Variants in PARP16 observed in about 807,000 individuals in gnomAD.
The protein encoded by PARP16 is poly(ADP-ribose) polymerase family member 16.
PARP16 carries 31 observed loss-of-function variants against 35.0 expected under a neutral mutation model. The ratio of observed to expected loss-of-function variants is 0.88; its 90% confidence interval spans 0.66 to 1.19. PARP16 has a LOEUF of 1.19. Ranked by LOEUF, PARP16 falls within the 50% of genes most tolerant of loss-of-function variation. The pLI is 0.00. For synonymous variants in PARP16, 162 were observed against 169.5 expected, an observed-to-expected ratio of 0.96 and a Z score of 0.34; for missense variants, 424 against 411.2, an observed-to-expected ratio of 1.03 and a Z score of -0.27.
chr15:65,260,763 G>T, intron 5 of PARP16, 122 bp downstream of exon 5: 1 of 824,050 alleles, frequency 1.2e-6, no homozygotes, highest in Non-Finnish European at 2.0e-6. Flanking sequence ...TGTCCAGCAT[G>T]GTGCTTTACA....
At chr15:65,240,322 T>TTGTG (rs1567008535) in intron 3 of PARP16, among the ~76,000 whole-genome samples, 4 of 45,986 alleles carry the variant, frequency 8.7e-5, no homozygotes, top group Non-Finnish European at 1.7e-4. Flanking sequence ...TGGGGGGGGC[T>TTGTG]AGTGTGTGTG....
intron 3 of PARP16, among the ~76,000 whole-genome samples, chr15:65,236,992 A>T (rs1031917003): frequency 9.2e-5 from 14 of 151,924 alleles, no homozygotes; most frequent in Non-Finnish European, 1.5e-4. Context: ...AAAAAGAAAA[A>T]AAAAAGAAAA....
chr15:65,239,156 G>A (rs1030126037), intron 3 of PARP16, among the ~76,000 whole-genome samples: 1 of 151,890 alleles, frequency 6.6e-6, no homozygotes, highest in African/African-American at 2.4e-5. Flanking sequence ...GGCTGGGTGC[G>A]GTGGCTCATG....
chr15:65,286,504 G>T lies in PARP16; in HGVS notation c.-78C>A. 1 of 1,179,500 alleles carries T rather than the reference G, an allele frequency of 8.5e-7. No individual in the cohort carries two copies. Among genetic ancestry groups the T allele is most frequent in the South Asian group, 1.8e-5 (1 of 56,480 alleles). The allele number at this position is 1,179,500 out of a possible 1,614,324, so 73.1% of individuals were successfully genotyped here. ...AGCGTGCGTTCAGCGCGGGGGCTGG[G>T]CCCGCGGACAATGGGCCGTCAGGGG... is the stretch of plus-strand genomic sequence containing the variant. On this transcript the variant is annotated 5_prime_UTR_variant, in exon 1 of 6. Coordinates refer to ENST00000649807, the MANE Select transcript of PARP16 (RefSeq NM_001316943.2).
rs766341860 is a variant in PARP16 at position 65,266,697 on chromosome 15, A to T, written c.384T>A (p.Ile128=). ...TGGCGTTGGCTGGGTCAAAGTACTC[A>T]ATTTCAAACAGGAAGTCCGGTGCAG... is the stretch of plus-strand genomic sequence containing the variant. ...PVPAPDFLFE[I]EYFDPANAKF... Residue 128 remains isoleucine, a synonymous_variant, in exon 3 of 6, where the codon ATT becomes ATA. Coordinates refer to ENST00000649807, the MANE Select transcript of PARP16 (RefSeq NM_001316943.2). The T allele has an allele frequency of 6.2e-7, 1 of 1,614,152 alleles. No homozygotes were observed. Among genetic ancestry groups the T allele is most frequent in the Non-Finnish European group, 8.5e-7 (1 of 1,179,990 alleles).
At chr15:65,247,965 C>T (rs1303728474) in intron 3 of PARP16, among the ~76,000 whole-genome samples, 4 of 152,042 alleles carry the variant, frequency 2.6e-5, no homozygotes, top group Non-Finnish European at 4.4e-5. Flanking sequence ...CCACCACGCC[C>T]GGCTAATTTT....
At chr15:65,267,194 T>C (rs1176154955) in intron 2 of PARP16, among the ~76,000 whole-genome samples, 1 of 151,808 alleles carries the variant, frequency 6.6e-6, no homozygotes, top group East Asian at 1.9e-4. Context: ...TGAGCAGAGA[T>C]CACGTCACTG....
intron 3 of PARP16, among the ~76,000 whole-genome samples, chr15:65,246,749 C>A (rs374422520): frequency 2.6e-5 from 4 of 152,148 alleles, no homozygotes; most frequent in South Asian, 4.1e-4. Flanking sequence ...GAGTGGCTCA[C>A]ACAGATCTCA....
intron 1 of PARP16, among the ~76,000 whole-genome samples, chr15:65,279,330 T>G (rs1183877277): frequency 6.6e-6 from 1 of 152,150 alleles, no homozygotes; most frequent in Non-Finnish European, 1.5e-5. Context: ...TGCTATATTA[T>G]TATTATCAAT....
Position 65,269,176 on chromosome 15 carries a change from T to TTTC in PARP16, c.312+1758_312+1759insGAA, listed in dbSNP as rs1555423774. ...ACACCTGGCCCATTTTAGTCGGTTT[T>TTTC]TTTCTTTCTTTCTTTCTTTCTTTCT... On this transcript the variant is annotated intron_variant, in intron 2 of 5. Coordinates refer to ENST00000649807, the MANE Select transcript of PARP16 (RefSeq NM_001316943.2). Among the ~76,000 whole-genome samples the TTTC allele has an allele frequency of 1.4e-3, 198 of 146,154 alleles. 4 individuals carry two copies. In the East Asian group the frequency reaches 0.041, roughly 30 times the overall value.
intron 3 of PARP16, among the ~76,000 whole-genome samples, chr15:65,242,348 C>T (rs1201704235): frequency 1.3e-5 from 2 of 151,886 alleles, no homozygotes; most frequent in Non-Finnish European, 2.9e-5. Context: ...TATGGCTATT[C>T]AAGGTCCTTT....
At chr15:65,266,133 T>G (rs1431854675) in intron 3 of PARP16, among the ~76,000 whole-genome samples, 1 of 152,092 alleles carries the variant, frequency 6.6e-6, no homozygotes, top group Non-Finnish European at 1.5e-5. Context: ...TTCACCACGT[T>G]GGCCAGGCTG....
rs151208608 is a variant in PARP16, at chr15:65,242,141, A to T, written c.*97+5976T>A. Among the ~76,000 whole-genome samples the T allele has an allele frequency of 3.8e-3, 586 of 152,306 alleles. 4 individuals carry two copies. The highest frequency in any genetic ancestry group is 0.014 in the African/African-American group (563 of 41,570). On this transcript the variant is annotated intron_variant and NMD_transcript_variant, in intron 3 of 3. Coordinates refer to the PARP16 transcript ENST00000559805. ...GTTGAAAATACTATCTTTTCCCCAA[A>T]GGTACTTTGTCACCTTCATAAAAAA...
chr15:65,280,516 T>C (rs2090389535), intron 1 of PARP16, among the ~76,000 whole-genome samples: 1 of 150,704 alleles, frequency 6.6e-6, no homozygotes, highest in South Asian at 2.1e-4. Context: ...ACAACAGATA[T>C]AAACAATGAT....
rs62014963 is a variant in PARP16 at position 65,279,966 on chromosome 15, G to C, written c.174+6287C>G. On this transcript the variant is annotated intron_variant, in intron 1 of 5. Coordinates refer to ENST00000649807, the MANE Select transcript of PARP16 (RefSeq NM_001316943.2). ...TTGTAAAGAATGATCTTTCCAAACCGGGCTCAATGACACAACTCCTGCTTG... is the reference window on the plus strand; with the variant it reads ...TTGTAAAGAATGATCTTTCCAAACCCGGCTCAATGACACAACTCCTGCTTG... Among the ~76,000 whole-genome samples the C allele has an allele frequency of 4.0e-3, 609 of 151,610 alleles. 2 individuals are homozygous for C. Among genetic ancestry groups the C allele is most frequent in the African/African-American group, 0.013 (539 of 41,334 alleles).
chr15:65,267,814 G>A (rs541630270), intron 2 of PARP16, among the ~76,000 whole-genome samples: 6 of 146,882 alleles, frequency 4.1e-5, no homozygotes, highest in Middle Eastern at 3.7e-3. Flanking sequence ...CTCAGCCTCC[G>A]GAGTAGCTGG....
At position 65,275,224 on chromosome 15, in the gene PARP16, G is replaced by T. The variant is rs1464179400; in HGVS notation, c.175-4152C>A. 2.0e-5 allele frequency among the ~76,000 whole-genome samples: 3 copies of T among 152,186 alleles called. No individual in the cohort carries two copies. The East Asian group carries it at 5.8e-4, about 29-fold the overall frequency. Reference sequence around the variant, plus strand: ...GGCTAAAGGAAAAGGGGGTGGGGTTGGGACCAGCTTCACAGAGGAGGTACT... The same window carrying T: ...GGCTAAAGGAAAAGGGGGTGGGGTTTGGACCAGCTTCACAGAGGAGGTACT... On this transcript the variant is annotated intron_variant, in intron 1 of 5. Coordinates refer to ENST00000649807, the MANE Select transcript of PARP16 (RefSeq NM_001316943.2).
At chr15:65,246,783 C>T (rs558380711) in intron 3 of PARP16, among the ~76,000 whole-genome samples, 7 of 152,132 alleles carry the variant, frequency 4.6e-5, no homozygotes, top group East Asian at 1.9e-4. Context: ...TAGAAGGTAC[C>T]GAAGAAAGGG....
chr15:65,257,105 A>T (rs1299190361), downstream of PARP16, among the ~76,000 whole-genome samples: 1 of 152,204 alleles, frequency 6.6e-6, no homozygotes, highest in Admixed American at 6.5e-5. Context: ...CAACATGGCA[A>T]AACCCTGTCT....
Sources: gnomAD v4.1 joint callset for allele counts (sites outside exome capture counted in the v4.1 genomes callset) on GRCh38, gnomAD v4.1.1 for gene constraint, MANE v1.5 for transcripts, NCBI Gene and HGNC (gene_info 2026-07-23, HGNC 2026-07-21) for gene names.